Variants in AHRR observed in about 807,000 individuals in gnomAD.
AHRR encodes ahR repressor.
AHRR carries 28 observed loss-of-function variants against 44.0 expected under a neutral mutation model. That is an observed-to-expected ratio of 0.64 (90% CI 0.47 to 0.87). The LOEUF (loss-of-function observed/expected upper bound fraction) is 0.87. Ranked by LOEUF, AHRR falls within the 40% of genes least tolerant of loss-of-function variation. The pLI is 0.00. For missense variants in AHRR, 990 were observed against 953.9 expected, an observed-to-expected ratio of 1.04 and a Z score of -0.50; for synonymous variants, 434 against 407.0, an observed-to-expected ratio of 1.07 and a Z score of -0.80.
At chr5:396,695 C>A (rs944979699) in intron 4 of AHRR, among the ~76,000 whole-genome samples, 1 of 152,132 alleles carries the variant, frequency 6.6e-6, no homozygotes, top group African/African-American at 2.4e-5. Flanking sequence ...AAGGTATGGC[C>A]AGAGGTTTCA....
At chr5:350,334 T>C (rs1246623642) in intron 2 of AHRR, among the ~76,000 whole-genome samples, 3 of 152,238 alleles carry the variant, frequency 2.0e-5, no homozygotes, top group African/African-American at 7.2e-5. Flanking sequence ...AGGCATTGCA[T>C]ATTTTGGGGC....
intron 3 of AHRR, among the ~76,000 whole-genome samples, chr5:364,653 C>T (rs1297707720): frequency 6.6e-6 from 1 of 151,798 alleles, no homozygotes; most frequent in African/African-American, 2.4e-5. Flanking sequence ...GAACAAAAGT[C>T]CAAATATATC....
At chr5:426,832 G>A (rs1736426512) in intron 7 of AHRR, among the ~76,000 whole-genome samples, 3 of 151,432 alleles carry the variant, frequency 2.0e-5, no homozygotes, top group Admixed American at 2.0e-4. Context: ...ATGATGGATG[G>A]GTGGAAACAT....
chr5:323,276 G>A (rs149020640), intron 1 of AHRR, among the ~76,000 whole-genome samples: 2 of 152,384 alleles, frequency 1.3e-5, no homozygotes, highest in African/African-American at 4.8e-5. Context: ...GTTTGGTCCA[G>A]TCCAAAGGAG....
intron 5 of AHRR, among the ~76,000 whole-genome samples, chr5:414,245 A>T (rs1291346901): frequency 6.6e-6 from 1 of 152,150 alleles, no homozygotes; most frequent in Non-Finnish European, 1.5e-5. Flanking sequence ...CCTGGGTGAC[A>T]GAGCGAGACT....
rs1311085494 is a variant in AHRR, at chr5:338,563, C to T, written c.-10-5330C>T. ...CTCTGGCTTTTAATATTATTCTAGG[C>T]CAGGTACGTGGCTCATACCTGTAAT... On this transcript the variant is annotated intron_variant, in intron 1 of 10. Coordinates refer to ENST00000684583, the MANE Select transcript of AHRR (RefSeq NM_001377236.1). The surrounding 1 kb of genome is among the most constrained non-coding windows in gnomAD (Gnocchi z 4.1). 1.3e-5 allele frequency among the ~76,000 whole-genome samples: 2 copies of T among 152,088 alleles called. No individual in the cohort carries two copies. Among genetic ancestry groups the T allele is most frequent in the Non-Finnish European group, 2.9e-5 (2 of 68,022 alleles).
At position 327,626 on chromosome 5, in the gene AHRR, T is replaced by C. The variant is rs139622180; in HGVS notation, c.-11+5807T>C. On this transcript the variant is annotated intron_variant, in intron 1 of 10. Transcript: ENST00000684583. ...CATTTTCTTTTGATTAATCCACTGA[T>C]GGGAACTTAGGTTTATTCCATCTCT... Among the ~76,000 whole-genome samples the C allele has an allele frequency of 7.3e-4, 111 of 152,338 alleles. 1 individual carries two copies. In the East Asian group the frequency reaches 0.018, roughly 24 times the overall value.
At chr5:397,796 G>GT (rs1734804665) in intron 4 of AHRR, among the ~76,000 whole-genome samples, 3 of 102,582 alleles carry the variant, frequency 2.9e-5, no homozygotes, top group Non-Finnish European at 3.9e-5. Flanking sequence ...GACCATCCAC[G>GT]TAGCCCCTGA....
Position 343,798 on chromosome 5 carries a change from G to C in AHRR, c.-10-95G>C, listed in dbSNP as rs372546652. The stretch of plus-strand genomic sequence containing the variant: ...GGGCCTCGCGGGGTCGCGGGTGTGG[G>C]GGCGCCAGGACCGCGCTGAGGGGCC... On this transcript the variant is annotated intron_variant, in intron 1 of 10. Coordinates refer to ENST00000684583, the MANE Select transcript of AHRR (RefSeq NM_001377236.1). 32 of 1,314,192 alleles carry C rather than the reference G, an allele frequency of 2.4e-5. No individual in the cohort carries two copies. The East Asian group carries it at 3.6e-4, about 15-fold the overall frequency. 81.4% of individuals were successfully genotyped at this position (1,314,192 alleles called of 1,614,324 possible).
chr5:398,526 G>A (rs1439001169), intron 4 of AHRR, among the ~76,000 whole-genome samples: 1 of 152,214 alleles, frequency 6.6e-6, no homozygotes, highest in East Asian at 1.9e-4. Flanking sequence ...CCCCTGCTCT[G>A]CCCTCGGCTC....
Position 387,099 on chromosome 5 carries a change from T to C in AHRR, c.351+10383T>C, listed in dbSNP as rs556029139. ...GGGTCTGCCCCTGACAGGCAGTCCTTGGGGCCTTGGGCACAGGTTCACGTC... is the reference window on the plus strand; with the variant it reads ...GGGTCTGCCCCTGACAGGCAGTCCTCGGGGCCTTGGGCACAGGTTCACGTC... On this transcript the variant is annotated intron_variant, in intron 4 of 10. Transcript: ENST00000684583. The surrounding 1 kb of genome is among the most constrained non-coding windows in gnomAD (Gnocchi z 5.1). Among the ~76,000 whole-genome samples the C allele has an allele frequency of 6.6e-6, 1 of 152,362 alleles. No homozygotes were observed. The highest frequency in any genetic ancestry group is 2.4e-5 in the African/African-American group (1 of 41,588).
intron 4 of AHRR, among the ~76,000 whole-genome samples, chr5:381,110 C>G (rs576058570): frequency 6.6e-6 from 1 of 152,364 alleles, no homozygotes; most frequent in Admixed American, 6.5e-5. Context: ...GCAAATTCTC[C>G]TCTTCTTGTG....
At position 432,942 on chromosome 5, in the gene AHRR, C is replaced by T. The variant is rs1736805470; in HGVS notation, c.1107C>T (p.Gly369=). The T allele has an allele frequency of 6.2e-7, 1 of 1,603,100 alleles. No homozygotes were observed. Among genetic ancestry groups the T allele is most frequent in the Non-Finnish European group, 8.5e-7 (1 of 1,174,472 alleles). The change falls in exon 10 of 11, where the codon GGC becomes GGT. Residue 369 remains glycine (G), a synonymous_variant. Transcript: ENST00000684583. ...ACCTTGTCCTTGACCCCAAGGGGGG[C>T]TCAGGGTAAGTGGTGCCAGGCAGCC... ...GPDLVLDPKG[G]SGDREEEQHR... is the part of the protein sequence containing the mutation.
chr5:377,517 G>A (rs945252717), intron 4 of AHRR, among the ~76,000 whole-genome samples: 1 of 152,172 alleles, frequency 6.6e-6, no homozygotes, highest in African/African-American at 2.4e-5. Flanking sequence ...GGGCAGGAGG[G>A]CACCAGCCAA....
chr5:359,975 A>T (rs1743121286), intron 3 of AHRR, among the ~76,000 whole-genome samples: 1 of 152,224 alleles, frequency 6.6e-6, no homozygotes, highest in Non-Finnish European at 1.5e-5. Context: ...GCTTTCACTG[A>T]AGATTTACCT....
At chr5:410,102 T>C (rs575117192) in intron 4 of AHRR, among the ~76,000 whole-genome samples, 1 of 152,374 alleles carries the variant, frequency 6.6e-6, no homozygotes, top group East Asian at 1.9e-4. Context: ...ACCAGAGCTT[T>C]ATAGGAAGCC....
Position 340,351 on chromosome 5 carries a change from A to C in AHRR, c.-10-3542A>C, listed in dbSNP as rs376522213. ...CTACCATAGACTGGATAGCTTAAAC[A>C]ACAGAAATTTATTTCACACTGTTCT... On this transcript the variant is annotated intron_variant, in intron 1 of 10. Transcript: ENST00000684583. 6.8e-4 allele frequency among the ~76,000 whole-genome samples: 104 copies of C among 152,070 alleles called. 4 individuals are homozygous for C. In the South Asian group the frequency reaches 0.021, roughly 31 times the overall value.
intron 5 of AHRR, among the ~76,000 whole-genome samples, chr5:415,630 C>G (rs2561670): frequency 0.015 from 1,770 of 121,214 alleles, 2 homozygotes; most frequent in Middle Eastern, 0.04. Context: ...GCCTAGGGGC[C>G]GAATCTGCCT....
At chr5:368,641 G>T (rs1374333909) in intron 3 of AHRR, among the ~76,000 whole-genome samples, 1 of 152,198 alleles carries the variant, frequency 6.6e-6, no homozygotes, top group African/African-American at 2.4e-5. Flanking sequence ...CATCTTCCAC[G>T]ATAACGTGGG....
Sources: gnomAD v4.1 joint callset for allele counts (sites outside exome capture counted in the v4.1 genomes callset) on GRCh38, gnomAD v4.1.1 for gene constraint, Gnocchi (gnomAD v3.1) non-coding constraint, MANE v1.5 for transcripts, NCBI Gene and HGNC (gene_info 2026-07-23, HGNC 2026-07-21) for gene names.